Variants in ABLIM1 observed in about 807,000 individuals in gnomAD.
ABLIM1 encodes actin-binding LIM protein 1.
ABLIM1 carries 40 observed loss-of-function variants against 107.0 expected under a neutral mutation model. The ratio of observed to expected loss-of-function variants is 0.37; its 90% CI spans 0.29 to 0.49. The LOEUF is 0.49. Among genes scored for constraint, ABLIM1 ranks in the 20% least tolerant of loss-of-function variants. The pLI is 0.97. For synonymous variants in ABLIM1, 357 were observed against 357.3 expected (o/e 1.00, Z 0.01); for missense variants, 857 against 1,008.5 (o/e 0.85, Z 2.04).
chr10:114,491,026 G>A (rs1565578944), intron 7 of ABLIM1, among the ~76,000 whole-genome samples: 2 of 70,282 alleles, frequency 2.8e-5, no homozygotes, highest in Non-Finnish European at 5.6e-5. Context: ...ATATATATAT[G>A]GTCTATTTTA....
chr10:114,783,577 TA>T, the ABLIM1 span, among the ~76,000 whole-genome samples: 1 of 151,892 alleles, frequency 6.6e-6, no homozygotes, highest in South Asian at 2.1e-4. Context: ...TGCTAACATG[TA>T]ACGGTGGGAT....
At chr10:114,614,269 T>C (rs2076990488) in intron 1 of ABLIM1, among the ~76,000 whole-genome samples, 1 of 151,856 alleles carries the variant, frequency 6.6e-6, no homozygotes. Context: ...CTGGCCAACA[T>C]GGCGAAACCC....
rs574674820 is a variant in ABLIM1, at chr10:114,751,402, A to G, written c.-213+16659T>C. Among the ~76,000 whole-genome samples, 16 of 152,312 alleles carry G rather than the reference A, an allele frequency of 1.1e-4. No individual in the cohort carries two copies. In the East Asian group the frequency reaches 2.5e-3, roughly 24 times the overall value. On this transcript the variant is annotated intron_variant, in intron 1 of 15. Coordinates refer to the ABLIM1 transcript ENST00000651092. ...TAAATTCATTCAATAAACTTAATGA[A>G]TATCAAACAACACTCTCCAAGAGAA...
intron 1 of ABLIM1, among the ~76,000 whole-genome samples, chr10:114,744,108 GT>G (rs1166927726): frequency 6.6e-5 from 10 of 152,206 alleles, no homozygotes; most frequent in African/African-American, 2.4e-4. Flanking sequence ...TTCTGTTGGT[GT>G]TATATCACAG....
chr10:114,545,943 C>CCA (rs59971898), intron 5 of ABLIM1, among the ~76,000 whole-genome samples: 4 of 122,440 alleles, frequency 3.3e-5, no homozygotes, highest in African/African-American at 1.0e-4. Flanking sequence ...AAAAAAAAAA[C>CCA]AAAAAAAAAA....
At chr10:114,726,586 G>GC (rs5788082) in intron 1 of ABLIM1, among the ~76,000 whole-genome samples, 76,808 of 151,854 alleles carry the variant, frequency 0.51, 20,441 homozygotes, top group South Asian at 0.59. Context: ...TCCCAGACCA[G>GC]CCTGACCAAC....
intron 6 of ABLIM1, among the ~76,000 whole-genome samples, chr10:114,496,873 A>G (rs1294890791): frequency 1.3e-5 from 2 of 152,144 alleles, no homozygotes; most frequent in Non-Finnish European, 2.9e-5. Flanking sequence ...GCTCAAGACA[A>G]AGGAGGCCCT....
intron 1 of ABLIM1, among the ~76,000 whole-genome samples, chr10:114,624,560 G>A (rs141602366): frequency 1.3e-3 from 201 of 152,258 alleles, no homozygotes; most frequent in African/African-American, 4.6e-3. Flanking sequence ...CAGTAGATGA[G>A]GCCCAACCTC....
chr10:114,760,413 CA>C (rs1667734931), intron 1 of ABLIM1, among the ~76,000 whole-genome samples: 1 of 13,736 alleles, frequency 7.3e-5, no homozygotes, highest in Non-Finnish European at 1.9e-4. Flanking sequence ...TTCACACACA[CA>C]CACACACACA....
chr10:114,567,780 G>A (rs1022104130), intron 4 of ABLIM1, among the ~76,000 whole-genome samples: 3 of 152,222 alleles, frequency 2.0e-5, no homozygotes, highest in Non-Finnish European at 2.9e-5. Context: ...TGGTTCAGAA[G>A]AGCAAACTCA....
chr10:114,443,070 C>T (rs555533073), intron 17 of ABLIM1, among the ~76,000 whole-genome samples: 1 of 152,014 alleles, frequency 6.6e-6, no homozygotes, highest in Non-Finnish European at 1.5e-5. Flanking sequence ...GATCTCCTGA[C>T]CTTGTGATCT....
chr10:114,455,029 TAG>T (rs2062541073), intron 12 of ABLIM1, among the ~76,000 whole-genome samples: 1 of 152,188 alleles, frequency 6.6e-6, no homozygotes, highest in African/African-American at 2.4e-5. Context: ...CATCAGAAAA[TAG>T]AGGTCTGGCC....
chr10:114,754,341 C>T (rs542768796), intron 1 of ABLIM1, among the ~76,000 whole-genome samples: 1 of 152,270 alleles, frequency 6.6e-6, no homozygotes, highest in South Asian at 2.1e-4. Context: ...GTTTCTCCTC[C>T]CAATTCTTTC....
chr10:114,787,694 C>CGGGA, the ABLIM1 span, among the ~76,000 whole-genome samples: 1 of 74,098 alleles, frequency 1.3e-5, no homozygotes, highest in African/African-American at 4.1e-5. Flanking sequence ...CCACCCCGTC[C>CGGGA]GGGAGGGAGG....
intron 1 of ABLIM1, among the ~76,000 whole-genome samples, chr10:114,728,517 A>T (rs1025661752): frequency 5.1e-5 from 1 of 19,460 alleles, no homozygotes; most frequent in African/African-American, 1.2e-4. Context: ...ATAAGGCAGT[A>T]AAAAAAAAAA....
intron 6 of ABLIM1, among the ~76,000 whole-genome samples, chr10:114,527,604 C>A (rs1002267848): frequency 3.3e-5 from 5 of 151,522 alleles, no homozygotes; most frequent in Admixed American, 3.3e-4. Context: ...ATGGCACAGC[C>A]CTTTTAATGT....
intron 1 of ABLIM1, among the ~76,000 whole-genome samples, chr10:114,711,743 G>A (rs2081552892): frequency 6.6e-6 from 1 of 152,098 alleles, no homozygotes; most frequent in African/African-American, 2.4e-5. Flanking sequence ...GAGTGGAGAG[G>A]GAGGGGGGCT....
chr10:114,546,086 G>C (rs533102560), intron 5 of ABLIM1, among the ~76,000 whole-genome samples: 4 of 152,144 alleles, frequency 2.6e-5, no homozygotes, highest in South Asian at 2.1e-4. Flanking sequence ...CCGGAGCCCA[G>C]GGCCGCCTCC....
intron 1 of ABLIM1, among the ~76,000 whole-genome samples, chr10:114,647,986 G>T (rs1316347097): frequency 6.9e-6 from 1 of 145,888 alleles, no homozygotes; most frequent in East Asian, 1.9e-4. Flanking sequence ...GATGTAAATA[G>T]AATGTACATA....
Sources: gnomAD v4.1 joint callset for allele counts (sites outside exome capture counted in the v4.1 genomes callset) on GRCh38, gnomAD v4.1.1 for gene constraint, MANE v1.5 for transcripts, NCBI Gene and HGNC (gene_info 2026-07-23, HGNC 2026-07-21) for gene names.